The following AFDN variants were observed in gnomAD, a reference collection of about 807,000 sequenced individuals.
AFDN encodes afadin, adherens junction formation factor, also known as afadin.
A neutral mutation model predicts 216.6 loss-of-function variants in AFDN; 68 were observed. The ratio of observed to expected loss-of-function variants is 0.31; its 90% CI spans 0.26 to 0.38. The LOEUF is 0.38. Among genes scored for constraint, AFDN ranks in the 10% least tolerant of loss-of-function variants. AFDN has a pLI of 1.00. For synonymous variants in AFDN, 868 were observed against 853.7 expected, an observed-to-expected ratio of 1.02 and a Z score of -0.29; for missense variants, 2,136 against 2,342.0, an observed-to-expected ratio of 0.91 and a Z score of 1.82.
At chr6:167,918,218 TAAATAA>T (rs1036825836) in intron 20 of AFDN, among the ~76,000 whole-genome samples, 5 of 152,336 alleles carry the variant, frequency 3.3e-5, no homozygotes, top group East Asian at 1.9e-4. Context: ...AAAACGTGTC[TAAATAA>T]AAATCACCCA....
chr6:167,847,467 G>A (rs1358996864), intron 1 of AFDN, among the ~76,000 whole-genome samples: 3 of 151,906 alleles, frequency 2.0e-5, no homozygotes, highest in Non-Finnish European at 2.9e-5. Flanking sequence ...CACTCTCATC[G>A]GCACCGCACT....
intron 5 of AFDN, among the ~76,000 whole-genome samples, chr6:167,876,074 A>C (rs1785335765): frequency 1.3e-5 from 2 of 152,208 alleles, no homozygotes; most frequent in Admixed American, 1.3e-4. Context: ...TCTAAATGAG[A>C]TGTAACACAT....
intron 30 of AFDN, among the ~76,000 whole-genome samples, chr6:167,958,691 GCTTT>G (rs1299161630): frequency 6.6e-6 from 1 of 152,160 alleles, no homozygotes; most frequent in East Asian, 1.9e-4. Flanking sequence ...CTCCTCTTCC[GCTTT>G]CTTGTTTTTG....
At chr6:167,835,098 G>T (rs1780275078) in intron 1 of AFDN, among the ~76,000 whole-genome samples, 3 of 152,176 alleles carry the variant, frequency 2.0e-5, no homozygotes, top group Non-Finnish European at 2.9e-5. Context: ...GAGTTATGCA[G>T]ATCTACTAAA....
intron 23 of AFDN, among the ~76,000 whole-genome samples, chr6:167,940,279 G>T (rs889402191): frequency 6.9e-6 from 1 of 144,554 alleles, no homozygotes; most frequent in Non-Finnish European, 1.5e-5. Flanking sequence ...GGATGTAGGG[G>T]TGAGGGTGGA....
intron 11 of AFDN, among the ~76,000 whole-genome samples, chr6:167,899,639 T>G (rs912187418): frequency 1.3e-5 from 2 of 152,330 alleles, no homozygotes; most frequent in Middle Eastern, 3.4e-3. Flanking sequence ...GTTTCTTCCC[T>G]TCAGCATCAA....
chr6:167,932,883 A>G (rs1793490319), intron 23 of AFDN: 4 of 152,184 alleles, frequency 2.6e-5, no homozygotes, highest in Admixed American at 1.3e-4. Context: ...TGAAGCAACA[A>G]CCGTTTAATG....
chr6:167,928,485 G>A (rs142623192), intron 23 of AFDN, among the ~76,000 whole-genome samples: 8 of 152,366 alleles, frequency 5.3e-5, no homozygotes, highest in African/African-American at 1.9e-4. Flanking sequence ...ATGCCCAGAT[G>A]AGGAGAATCC....
chr6:167,945,187 A>C (rs909998265), intron 26 of AFDN, among the ~76,000 whole-genome samples: 5 of 150,224 alleles, frequency 3.3e-5, no homozygotes, highest in Non-Finnish European at 5.9e-5. Flanking sequence ...TTATCTTTTC[A>C]TCTTTTTGGT....
At position 167,915,461 on chromosome 6, in the gene AFDN, A is replaced by G. The variant is rs761674476; in HGVS notation, c.2565+28A>G. 2.0e-5 allele frequency: 32 copies of G among 1,580,516 alleles called. No homozygotes were observed. The East Asian group carries it at 6.3e-4, about 31-fold the overall frequency. On this transcript the variant is annotated intron_variant, in intron 19 of 33. Coordinates refer to ENST00000683244, the MANE Select transcript of AFDN (RefSeq NM_001386888.1). ...GATTGCTGGTGCCACTCCCCAGCTC[A>G]TGTGCTTTATGATAAAGGCATCTGA...
At chr6:167,954,514 C>A in intron 30 of AFDN, 1 of 1,598,246 alleles carries the variant, frequency 6.3e-7, no homozygotes, top group Non-Finnish European at 8.5e-7. Flanking sequence ...GTTTCTTTCC[C>A]TTTGGTACTT....
chr6:167,903,457 A>G (rs1051899551), intron 12 of AFDN, among the ~76,000 whole-genome samples: 4 of 152,212 alleles, frequency 2.6e-5, no homozygotes, highest in African/African-American at 9.6e-5. Flanking sequence ...CGGAGCTTCC[A>G]GGCCTTCTTG....
intron 6 of AFDN, among the ~76,000 whole-genome samples, chr6:167,888,536 C>T (rs1027362451): frequency 2.6e-5 from 4 of 152,140 alleles, no homozygotes; most frequent in African/African-American, 9.7e-5. Context: ...CACTCTCCTC[C>T]ATATTACAGT....
intron 1 of AFDN, among the ~76,000 whole-genome samples, chr6:167,845,750 C>A (rs1443336310): frequency 6.6e-6 from 1 of 152,146 alleles, no homozygotes; most frequent in Admixed American, 6.5e-5. Context: ...ACTGAGTGAG[C>A]ACTTATTTTT....
chr6:167,860,641 G>A (rs1162777090), intron 1 of AFDN, among the ~76,000 whole-genome samples: 2 of 152,160 alleles, frequency 1.3e-5, no homozygotes, highest in Admixed American at 6.5e-5. Context: ...ACTCACTCAA[G>A]GATGTGGCTG....
chr6:167,880,367 A>T lies in AFDN; in HGVS notation c.747A>T (p.Thr249=). The T allele has an allele frequency of 1.9e-6, 3 of 1,611,586 alleles. No homozygotes were observed. The South Asian group carries it at 3.3e-5, about 18-fold the overall frequency. Reference sequence around the variant, plus strand: ...GTCAAAATGTTTTTTCAGGTGGAACATTGAGAATTTATGCAGATAGTTTAA... The same window carrying T: ...GTCAAAATGTTTTTTCAGGTGGAACTTTGAGAATTTATGCAGATAGTTTAA... ...SSDGRPDSGG[T]LRIYADSLKP... The change falls in exon 6 of 34, where the codon ACA becomes ACT. Residue 249 remains threonine, a synonymous_variant. Transcript: ENST00000683244.
chr6:167,961,691 T>TA (rs1213093541), intron 30 of AFDN, among the ~76,000 whole-genome samples: 1 of 152,220 alleles, frequency 6.6e-6, no homozygotes, highest in Non-Finnish European at 1.5e-5. Flanking sequence ...TGACTAGTGT[T>TA]ACCTGAAAAC....
At chr6:167,948,203 ATT>A in intron 28 of AFDN, 88 bp from the exon 29 acceptor site, 1 of 1,142,282 alleles carries the variant, frequency 8.8e-7, no homozygotes, top group Non-Finnish European at 1.2e-6. Flanking sequence ...AACATATACT[ATT>A]TTTTAAATTT....
At chr6:167,910,376 A>T (rs980713353) in intron 13 of AFDN, among the ~76,000 whole-genome samples, 1 of 152,230 alleles carries the variant, frequency 6.6e-6, no homozygotes, top group African/African-American at 2.4e-5. Flanking sequence ...AATTAATTTG[A>T]TCTGAATACC....
Sources: gnomAD v4.1 joint callset for allele counts (sites outside exome capture counted in the v4.1 genomes callset) on GRCh38, gnomAD v4.1.1 for gene constraint, MANE v1.5 for transcripts, NCBI Gene and HGNC (gene_info 2026-07-23, HGNC 2026-07-21) for gene names.